The following ENPEP variants were observed in gnomAD, a reference collection of about 807,000 sequenced individuals.
ENPEP encodes glutamyl aminopeptidase.
A neutral mutation model predicts 114.5 loss-of-function variants in ENPEP; 103 were observed. The observed-to-expected ratio is 0.90, with a 90% CI of 0.77 to 1.06. The LOEUF is 1.06. Among genes scored for constraint, ENPEP ranks in the 50% least tolerant of loss-of-function variants. The pLI is 0.00. For synonymous variants in ENPEP, 420 were observed against 422.0 expected (o/e 1.00, Z 0.06); for missense variants, 1,196 against 1,161.3 (o/e 1.03, Z -0.43).
Position 110,564,635 on chromosome 4 carries a change from G to T in ENPEP, c.*3077G>T, listed in dbSNP as rs1727771408. Reference sequence around the variant, plus strand: ...GAATAACCAAACCTAAGCAACTGAAGGCACTAAGGGTAGGCTATGTGTTAG... The same window carrying T: ...GAATAACCAAACCTAAGCAACTGAATGCACTAAGGGTAGGCTATGTGTTAG... On this transcript the variant is annotated 3_prime_UTR_variant, in exon 20 of 20. Coordinates refer to ENST00000265162, the MANE Select transcript of ENPEP (RefSeq NM_001977.4). 6.6e-6 allele frequency: 1 copy of T among 152,088 alleles called. No individual in the cohort carries two copies. Among genetic ancestry groups the T allele is most frequent in the African/African-American group, 2.4e-5 (1 of 41,390 alleles). The allele number at this position is 152,088 out of a possible 1,614,324, so 9.4% of individuals were successfully genotyped here.
intron 6 of ENPEP, among the ~76,000 whole-genome samples, chr4:110,512,270 G>C (rs1190178826): frequency 6.6e-6 from 1 of 152,194 alleles, no homozygotes; most frequent in East Asian, 1.9e-4. Flanking sequence ...CCAGGAAAAT[G>C]ATAGAATTTT....
At chr4:110,525,645 G>C (rs1726167973) in intron 10 of ENPEP, among the ~76,000 whole-genome samples, 1 of 141,676 alleles carries the variant, frequency 7.1e-6, no homozygotes, top group African/African-American at 2.5e-5. Context: ...AACACAAAAA[G>C]ATGTTTTAGA....
intron 11 of ENPEP, among the ~76,000 whole-genome samples, chr4:110,531,848 A>G (rs911226439): frequency 6.6e-5 from 10 of 152,096 alleles, no homozygotes; most frequent in African/African-American, 2.4e-4. Context: ...CCTTCTTTTT[A>G]TATTTTTTCC....
chr4:110,534,595 C>T (rs1365264639), intron 11 of ENPEP, among the ~76,000 whole-genome samples: 5 of 145,854 alleles, frequency 3.4e-5, no homozygotes, highest in Admixed American at 7.1e-5. Flanking sequence ...GCAACGTCCG[C>T]CCCCTGGGTT....
At chr4:110,522,096 C>G (rs1273552021) in intron 10 of ENPEP, among the ~76,000 whole-genome samples, 2 of 152,006 alleles carry the variant, frequency 1.3e-5, no homozygotes, top group African/African-American at 4.8e-5. Context: ...CCAGGCTGGT[C>G]TTAAACTCTT....
At chr4:110,529,331 A>G (rs1726315151) in intron 10 of ENPEP, among the ~76,000 whole-genome samples, 1 of 152,170 alleles carries the variant, frequency 6.6e-6, no homozygotes, top group African/African-American at 2.4e-5. Flanking sequence ...CATCTTAGGA[A>G]TGTTCTTTGT....
chr4:110,502,777 A>T (rs927601322), intron 3 of ENPEP, among the ~76,000 whole-genome samples: 19 of 152,222 alleles, frequency 1.2e-4, no homozygotes, highest in Non-Finnish European at 8.8e-5. Flanking sequence ...TATAAATTTT[A>T]AAATAGTTTT....
rs995755033 is a variant in ENPEP, at chr4:110,564,295, C to T, written c.*2737C>T. The T allele has an allele frequency of 6.6e-6, 1 of 152,092 alleles. No individual in the cohort carries two copies. The highest frequency in any genetic ancestry group is 2.4e-5 in the African/African-American group (1 of 41,422). 9.4% of individuals were successfully genotyped at this position (152,092 alleles called of 1,614,324 possible). ...GTATTTGAACCCAGGCAGTTTATCA[C>T]TCTAATCTACATTTTAATCTGTATT... is the stretch of plus-strand genomic sequence containing the variant. On this transcript the variant is annotated 3_prime_UTR_variant, in exon 20 of 20. Coordinates refer to ENST00000265162, the MANE Select transcript of ENPEP (RefSeq NM_001977.4).
chr4:110,513,693 C>A, intron 7 of ENPEP, 144 bp downstream of exon 7: 1 of 955,968 alleles, frequency 1.0e-6, no homozygotes, highest in Non-Finnish European at 1.5e-6. Context: ...GCTGAATATT[C>A]AATAGTTTGT....
chr4:110,486,887 G>A (rs185920382), intron 1 of ENPEP, among the ~76,000 whole-genome samples: 54 of 152,268 alleles, frequency 3.5e-4, no homozygotes, highest in Non-Finnish European at 4.6e-4. Context: ...TTGTCTCCCC[G>A]AACATTTGGG....
Position 110,515,379 on chromosome 4 carries a change from A to G in ENPEP, c.1446A>G (p.Gly482=). ...SVFDGISYSK[G]SSILRMLEDW... Reference sequence around the variant, plus strand: ...TTGTCTTTTTATCCCCATTGTAGGGATCTTCTATTTTGAGAATGCTTGAAG... The same window carrying G: ...TTGTCTTTTTATCCCCATTGTAGGGGTCTTCTATTTTGAGAATGCTTGAAG... Residue 482 remains glycine (G), a splice_region_variant and synonymous_variant, in exon 8 of 20, where the codon GGA becomes GGG. Transcript: ENST00000265162. The G allele has an allele frequency of 6.2e-7, 1 of 1,603,978 alleles. No individual in the cohort carries two copies.
At chr4:110,532,004 C>T (rs149011449) in intron 11 of ENPEP, among the ~76,000 whole-genome samples, 128 of 152,204 alleles carry the variant, frequency 8.4e-4, no homozygotes, top group African/African-American at 2.9e-3. Flanking sequence ...GTAGATCACT[C>T]ATTCTTTATT....
chr4:110,528,541 T>C (rs1726284379), intron 10 of ENPEP, among the ~76,000 whole-genome samples: 1 of 152,202 alleles, frequency 6.6e-6, no homozygotes, highest in Non-Finnish European at 1.5e-5. Context: ...AATCCAAGAT[T>C]AGGGAATTCT....
At chr4:110,520,492 AG>A (rs2110363486) in intron 10 of ENPEP, 126 bp downstream of exon 10, 1 of 978,792 alleles carries the variant, frequency 1.0e-6, no homozygotes, top group East Asian at 2.6e-5. Flanking sequence ...CAGTGCCTTT[AG>A]GGGAACAAGG....
At chr4:110,539,350 GA>G (rs1407919943) in intron 11 of ENPEP, among the ~76,000 whole-genome samples, 1 of 152,142 alleles carries the variant, frequency 6.6e-6, no homozygotes, top group African/African-American at 2.4e-5. Context: ...ATACTTTCTT[GA>G]ATGGGTAATT....
At chr4:110,557,151 A>T (rs528649633) in intron 18 of ENPEP, among the ~76,000 whole-genome samples, 1 of 152,322 alleles carries the variant, frequency 6.6e-6, no homozygotes, top group South Asian at 2.1e-4. Context: ...GGAATAGTCA[A>T]AGGGCCAGAA....
At chr4:110,486,812 T>C (rs1473437271) in intron 1 of ENPEP, among the ~76,000 whole-genome samples, 1 of 152,132 alleles carries the variant, frequency 6.6e-6, no homozygotes, top group African/African-American at 2.4e-5. Flanking sequence ...GGAATTGAAA[T>C]GGAGAAAGAG....
At position 110,476,734 on chromosome 4, in the gene ENPEP, A is replaced by G. The variant is rs1183696916; in HGVS notation, c.320A>G (p.Lys107Arg). ...VNPVHYDLHV[K>R]PLLEEDTYTG... ...CCAGTCCACTACGACCTGCACGTGAAGCCCCTGTTGGAGGAGGACACCTAC... is the reference window on the plus strand; with the variant it reads ...CCAGTCCACTACGACCTGCACGTGAGGCCCCTGTTGGAGGAGGACACCTAC... Residue 107 changes from lysine (K) to arginine (R), a missense_variant, in exon 1 of 20, where the codon AAG (lysine) becomes AGG (arginine). By Grantham distance (26) the Lys-to-Arg change is conservative. Transcript: ENST00000265162. 6 of 1,614,092 alleles carry G rather than the reference A, an allele frequency of 3.7e-6. No individual in the cohort carries two copies. Among genetic ancestry groups the G allele is most frequent in the Non-Finnish European group, 5.1e-6 (6 of 1,180,028 alleles).
At chr4:110,493,060 A>G (rs1281095248) in intron 3 of ENPEP, among the ~76,000 whole-genome samples, 1 of 152,226 alleles carries the variant, frequency 6.6e-6, no homozygotes, top group Non-Finnish European at 1.5e-5. Flanking sequence ...CAGAGGACAT[A>G]GTACTTGGAG....
Sources: allele counts gnomAD v4.1 joint callset (sites outside exome capture counted in the v4.1 genomes callset), GRCh38; gene constraint gnomAD v4.1.1; transcripts MANE v1.5; gene names NCBI Gene and HGNC (gene_info 2026-07-23, HGNC 2026-07-21).